FAAH2: variants seen among roughly 807,000 people sequenced by gnomAD.
FAAH2 encodes fatty-acid amide hydrolase 2.
A neutral mutation model predicts 36.9 loss-of-function variants in FAAH2; 60 were observed. That is an observed-to-expected ratio of 1.63 (90% confidence interval 1.32 to 2.02). FAAH2 has a LOEUF of 2.02. Among genes scored for constraint, FAAH2 ranks in the 30% most tolerant of loss-of-function variants. The pLI is 0.00. For missense variants in FAAH2, 689 were observed against 397.5 expected, an observed-to-expected ratio of 1.73 and a Z score of -6.23; for synonymous variants, 214 against 143.8, an observed-to-expected ratio of 1.49 and a Z score of -3.49.
At chrX:57,126,528 G>A in the FAAH2 span, among the ~76,000 whole-genome samples, 136 of 112,100 alleles carry the variant, frequency 1.2e-3, 1 homozygote, top group Middle Eastern at 4.7e-3. Flanking sequence ...AAGGATATGA[G>A]GATTAAGCTG....
Position 57,333,279 on chromosome X carries a change from C to T in FAAH2, c.622+1472C>T, listed in dbSNP as rs185495540. On this transcript the variant is annotated intron_variant, in intron 4 of 10. Transcript: ENST00000374900. ...ACAGCAGACAGTAAACACAGACTAA[C>T]CCCTAGCCAGGGAAACATAAAACCT... 2.7e-5 allele frequency among the ~76,000 whole-genome samples: 3 copies of T among 111,702 alleles called. No individual in the cohort carries two copies. The East Asian group carries it at 8.4e-4, about 31-fold the overall frequency.
the FAAH2 span, among the ~76,000 whole-genome samples, chrX:57,180,219 CA>C: frequency 2.2e-3 from 246 of 111,546 alleles, 2 homozygotes; most frequent in African/African-American, 7.8e-3. Context: ...GTAGCAAAAA[CA>C]AATGAACCCC....
intron 5 of FAAH2, among the ~76,000 whole-genome samples, chrX:57,344,097 T>A (rs992662786): frequency 2.7e-5 from 3 of 111,053 alleles, no homozygotes; most frequent in African/African-American, 9.8e-5. Context: ...AGATGTATTA[T>A]TGGTTCCATA....
At chrX:57,256,626 T>C in the FAAH2 span, among the ~76,000 whole-genome samples, 1 of 111,702 alleles carries the variant, frequency 9.0e-6, no homozygotes, top group Non-Finnish European at 1.9e-5. Flanking sequence ...ATTCAGGACA[T>C]AGGCATGGGA....
At chrX:57,137,517 C>T in the FAAH2 span, 1 of 144,337 alleles carries the variant, frequency 6.9e-6, no homozygotes, top group African/African-American at 3.2e-5. Context: ...TAGTCTCTGC[C>T]CTTTTTCTGC....
the FAAH2 span, among the ~76,000 whole-genome samples, chrX:57,254,638 C>A: frequency 8.9e-6 from 1 of 111,854 alleles, no homozygotes; most frequent in Non-Finnish European, 1.9e-5. Context: ...AACCACACAA[C>A]TACATGGAAA....
intron 8 of FAAH2, among the ~76,000 whole-genome samples, chrX:57,434,083 ATTTTTTTTT>A (rs771256980): frequency 2.1e-5 from 2 of 94,121 alleles, no homozygotes; most frequent in Non-Finnish European, 4.3e-5. Flanking sequence ...AATTAAATTG[ATTTTTTTTT>A]TTTTTTTTTT....
chrX:57,147,735 C>T, the FAAH2 span, among the ~76,000 whole-genome samples: 2 of 111,638 alleles, frequency 1.8e-5, no homozygotes, highest in Admixed American at 9.5e-5. Flanking sequence ...TTTGCTGTAT[C>T]CCAGAAATTT....
At chrX:57,192,745 A>G in the FAAH2 span, among the ~76,000 whole-genome samples, 1 of 112,041 alleles carries the variant, frequency 8.9e-6, no homozygotes, top group Non-Finnish European at 1.9e-5. Context: ...GACATTTATT[A>G]GTTCCCCAAA....
At position 57,448,541 on chromosome X, in the gene FAAH2, G is replaced by A; in HGVS notation, c.1246G>A (p.Glu416Lys). 1.7e-6 allele frequency: 2 copies of A among 1,209,738 alleles called. No homozygotes were observed. The highest frequency in any genetic ancestry group is 1.1e-6 in the Non-Finnish European group (1 of 894,759). Residue 416 changes from glutamate (E) to lysine (K), a missense_variant, in exon 10 of 11, where the codon GAA becomes AAA. Physicochemically the swap from Glu to Lys is moderately conservative, Grantham distance 56. Coordinates refer to ENST00000374900, the MANE Select transcript of FAAH2 (RefSeq NM_174912.4). ...TTCTGTAGGACTGGCTTTGTTGGAA[G>A]AAAAGCTCAGATATAGCAATGAGAA... The part of the protein sequence containing the change: ...IPSIGLALLE[E>K]KLRYSNEKYQ...
intron 7 of FAAH2, among the ~76,000 whole-genome samples, chrX:57,383,576 G>T (rs918332454): frequency 9.0e-6 from 1 of 111,726 alleles, no homozygotes; most frequent in Non-Finnish European, 1.9e-5. Flanking sequence ...ATTCACAATT[G>T]CTTCAAAGAG....
At chrX:57,181,509 C>T in the FAAH2 span, among the ~76,000 whole-genome samples, 1 of 111,139 alleles carries the variant, frequency 9.0e-6, no homozygotes, top group Non-Finnish European at 1.9e-5. Flanking sequence ...AATACCTAGG[C>T]ATACAGCTAA....
intron 10 of FAAH2, among the ~76,000 whole-genome samples, chrX:57,463,655 C>T (rs1175288436): frequency 2.7e-5 from 3 of 111,885 alleles, no homozygotes; most frequent in Non-Finnish European, 5.6e-5. Context: ...TGAAAAAAAG[C>T]TCATCATCAC....
intron 1 of FAAH2, among the ~76,000 whole-genome samples, chrX:57,291,314 C>T (rs1269832488): frequency 1.8e-5 from 2 of 112,072 alleles, no homozygotes; most frequent in African/African-American, 3.2e-5. Flanking sequence ...ATGACTGTTA[C>T]AGCATCCTCA....
chrX:57,430,811 A>G (rs1280718609), intron 7 of FAAH2, among the ~76,000 whole-genome samples: 1 of 111,717 alleles, frequency 9.0e-6, no homozygotes, highest in Non-Finnish European at 1.9e-5. Flanking sequence ...ACCTACAGAG[A>G]AAAGTGATCT....
chrX:57,265,350 C>CAGG, the FAAH2 span, among the ~76,000 whole-genome samples: 2 of 111,894 alleles, frequency 1.8e-5, no homozygotes, highest in Admixed American at 9.5e-5. Context: ...GTGAACCCCA[C>CAGG]TTCCGTTGCA....
At chrX:57,484,938 G>T (rs1044690986) in intron 10 of FAAH2, among the ~76,000 whole-genome samples, 12 of 111,420 alleles carry the variant, frequency 1.1e-4, no homozygotes, top group African/African-American at 3.9e-4. Context: ...GTTGGTCCCT[G>T]GGTCACTGGC....
the FAAH2 span, among the ~76,000 whole-genome samples, chrX:57,139,485 C>T: frequency 3.6e-5 from 4 of 111,404 alleles, no homozygotes; most frequent in Admixed American, 9.5e-5. Flanking sequence ...TTTTTTGAGA[C>T]GGAGTCTTGC....
chrX:57,351,663 T>TA (rs1239234820), intron 5 of FAAH2, among the ~76,000 whole-genome samples: 4 of 108,857 alleles, frequency 3.7e-5, no homozygotes, highest in East Asian at 5.8e-4. Flanking sequence ...ACCACAGATA[T>TA]AAAAAAAGAT....
Sources: gnomAD v4.1 joint callset for allele counts (sites outside exome capture counted in the v4.1 genomes callset) on GRCh38, gnomAD v4.1.1 for gene constraint, MANE v1.5 for transcripts, NCBI Gene and HGNC (gene_info 2026-07-23, HGNC 2026-07-21) for gene names.